Variants in HSD17B12 observed in about 807,000 individuals in gnomAD.
The protein encoded by HSD17B12 is very-long-chain 3-oxoacyl-CoA reductase.
A neutral mutation model predicts 39.3 loss-of-function variants in HSD17B12; 32 were observed. That is an observed-to-expected ratio of 0.81 (90% confidence interval 0.61 to 1.09). The LOEUF (loss-of-function observed/expected upper bound fraction) is 1.09, where lower values mean the gene tolerates loss of function less well. HSD17B12 is among the 50% of genes least tolerant of loss of function. The pLI, the probability that HSD17B12 is intolerant of heterozygous loss-of-function variation, is 0.00. For missense variants in HSD17B12, 342 were observed against 382.9 expected (o/e 0.89, Z 0.89); for synonymous variants, 150 against 146.7 (o/e 1.02, Z -0.16).
At chr11:43,818,320 CA>C (rs1951149562) in intron 6 of HSD17B12, among the ~76,000 whole-genome samples, 1 of 152,112 alleles carries the variant, frequency 6.6e-6, no homozygotes, top group African/African-American at 2.4e-5. Flanking sequence ...AGTTGCTAAG[CA>C]TGTGTTATAG....
At chr11:43,767,173 T>C (rs1218452066) in intron 3 of HSD17B12, among the ~76,000 whole-genome samples, 3 of 152,008 alleles carry the variant, frequency 2.0e-5, no homozygotes, top group African/African-American at 4.8e-5. Flanking sequence ...GTCTTTCCAA[T>C]TGGATTATTG....
chr11:43,802,208 G>A lies in HSD17B12; in HGVS notation c.391+3781G>A, dbSNP rs11037651. On this transcript the variant is annotated intron_variant, in intron 4 of 10. Transcript: ENST00000278353. Reference sequence around the variant, plus strand: ...TCACCGTGTTAGCCAGGGTGGTCTCGATCTCCTGACCTCATGATCTGCCCG... The same window carrying A: ...TCACCGTGTTAGCCAGGGTGGTCTCAATCTCCTGACCTCATGATCTGCCCG... Among the ~76,000 whole-genome samples the A allele has an allele frequency of 3.9e-3, 592 of 151,918 alleles. 6 individuals carry two copies. In the East Asian group the frequency reaches 0.044, roughly 11 times the overall value.
At chr11:43,629,338 T>A in the HSD17B12 span, among the ~76,000 whole-genome samples, 8 of 152,224 alleles carry the variant, frequency 5.3e-5, no homozygotes, top group Non-Finnish European at 7.4e-5. Flanking sequence ...CTATTCAAAT[T>A]GTAGCCACCT....
At chr11:43,800,493 T>C (rs1950955998) in intron 4 of HSD17B12, among the ~76,000 whole-genome samples, 1 of 143,276 alleles carries the variant, frequency 7.0e-6, no homozygotes, top group Non-Finnish European at 1.6e-5. Flanking sequence ...ATCATGTTGC[T>C]GCAGGGCTGG....
At chr11:43,760,016 C>T (rs1038652540) in intron 3 of HSD17B12, among the ~76,000 whole-genome samples, 3 of 152,214 alleles carry the variant, frequency 2.0e-5, no homozygotes, top group African/African-American at 7.2e-5. Flanking sequence ...GTGCCTCAGC[C>T]TCCTGGGTAA....
the HSD17B12 span, among the ~76,000 whole-genome samples, chr11:43,558,047 G>A: frequency 6.6e-6 from 1 of 152,200 alleles, no homozygotes; most frequent in Non-Finnish European, 1.5e-5. Context: ...CCTCCCTGCT[G>A]CTGCACAAAG....
intron 3 of HSD17B12, among the ~76,000 whole-genome samples, chr11:43,776,857 T>C (rs1241032961): frequency 1.3e-5 from 2 of 152,156 alleles, no homozygotes; most frequent in Non-Finnish European, 2.9e-5. Flanking sequence ...ATTTATTAAA[T>C]AGGGAATCCT....
intron 1 of HSD17B12, among the ~76,000 whole-genome samples, chr11:43,688,867 G>T (rs1007809472): frequency 7.2e-5 from 11 of 152,178 alleles, no homozygotes; most frequent in Non-Finnish European, 1.3e-4. Context: ...AATTAAATGA[G>T]ATGTAAATGA....
At chr11:43,793,734 G>C (rs998820535) in intron 3 of HSD17B12, among the ~76,000 whole-genome samples, 2 of 152,164 alleles carry the variant, frequency 1.3e-5, no homozygotes, top group Non-Finnish European at 2.9e-5. Flanking sequence ...GTCAATTCCA[G>C]ACTTGACCTT....
chr11:43,739,779 G>C (rs1454350003), intron 1 of HSD17B12, among the ~76,000 whole-genome samples: 1 of 152,192 alleles, frequency 6.6e-6, no homozygotes, highest in Non-Finnish European at 1.5e-5. Context: ...TTTTCGAAGA[G>C]AAAGCATGTT....
At chr11:43,720,653 A>G (rs1488634161) in intron 1 of HSD17B12, among the ~76,000 whole-genome samples, 1 of 152,206 alleles carries the variant, frequency 6.6e-6, no homozygotes, top group Non-Finnish European at 1.5e-5. Context: ...CCATCTCTTG[A>G]TGGGAGGAAT....
At chr11:43,745,000 G>A (rs1262506001) in intron 1 of HSD17B12, among the ~76,000 whole-genome samples, 1 of 152,224 alleles carries the variant, frequency 6.6e-6, no homozygotes, top group African/African-American at 2.4e-5. Context: ...GTTACTGGGA[G>A]AGACTCAGTC....
the HSD17B12 span, among the ~76,000 whole-genome samples, chr11:43,588,050 G>A: frequency 1.3e-5 from 2 of 152,216 alleles, no homozygotes; most frequent in Admixed American, 6.5e-5. Flanking sequence ...AGGTCTGTGT[G>A]CAAAGGTTTC....
At position 43,740,164 on chromosome 11, in the gene HSD17B12, A is replaced by T. The variant is rs117722618; in HGVS notation, c.161-10747A>T. ...GGGAAATGTAACTTCTTGGCAGAGAAAAAATGGTGTTTGAGAAAGATAATT... is the reference window on the plus strand; with the variant it reads ...GGGAAATGTAACTTCTTGGCAGAGATAAAATGGTGTTTGAGAAAGATAATT... On this transcript the variant is annotated intron_variant, in intron 1 of 10. Transcript: ENST00000278353. 5.0e-3 allele frequency among the ~76,000 whole-genome samples: 767 copies of T among 152,288 alleles called. 8 individuals are homozygous for T. Among genetic ancestry groups the T allele is most frequent in the East Asian group, 0.045 (232 of 5,172 alleles).
intron 1 of HSD17B12, among the ~76,000 whole-genome samples, chr11:43,693,580 C>T (rs1310071622): frequency 6.6e-6 from 1 of 152,178 alleles, no homozygotes. Flanking sequence ...CTCAGCTGTG[C>T]TTATATCCCA....
At chr11:43,701,239 C>T (rs1949961212) in intron 1 of HSD17B12, among the ~76,000 whole-genome samples, 1 of 151,832 alleles carries the variant, frequency 6.6e-6, no homozygotes, top group Admixed American at 6.6e-5. Context: ...GGTTATTAAT[C>T]CCTTATCAGA....
At chr11:43,758,839 A>C (rs1238451472) in intron 3 of HSD17B12, among the ~76,000 whole-genome samples, 3 of 152,168 alleles carry the variant, frequency 2.0e-5, no homozygotes, top group African/African-American at 7.2e-5. Flanking sequence ...AATTTGATGA[A>C]CTGTCATACC....
At chr11:43,681,180 T>C in intron 1 of HSD17B12, 193 bp downstream of exon 1, 1 of 1,390,074 alleles carries the variant, frequency 7.2e-7, no homozygotes, top group Non-Finnish European at 9.3e-7. Flanking sequence ...TGCAGAGTTT[T>C]AAGGTACGAA....
the HSD17B12 span, among the ~76,000 whole-genome samples, chr11:43,609,368 T>C: frequency 6.7e-6 from 1 of 148,848 alleles, no homozygotes; most frequent in Non-Finnish European, 1.5e-5. Flanking sequence ...TATAAACAAT[T>C]ATATATAATA....
Sources: gnomAD v4.1 joint callset for allele counts (sites outside exome capture counted in the v4.1 genomes callset) on GRCh38, gnomAD v4.1.1 for gene constraint, MANE v1.5 for transcripts, NCBI Gene and HGNC (gene_info 2026-07-23, HGNC 2026-07-21) for gene names.